CNKSR3: variants seen among roughly 807,000 people sequenced by gnomAD.
The protein encoded by CNKSR3 is CNKSR family member 3.
Under a neutral mutation model 67.7 loss-of-function variants are expected in CNKSR3, and 36 were observed. The observed-to-expected ratio is 0.53, with a 90% CI of 0.41 to 0.70. The LOEUF is 0.70. CNKSR3 is among the 30% of genes least tolerant of loss of function. The pLI, the probability that CNKSR3 is intolerant of heterozygous loss-of-function variation, is 0.00. For missense variants in CNKSR3, 630 were observed against 695.2 expected (o/e 0.91, Z 1.05); for synonymous variants, 281 against 271.4 (o/e 1.04, Z -0.35).
chr6:154,414,659 C>T (rs554303914), intron 9 of CNKSR3: 87 of 596,130 alleles, frequency 1.5e-4, no homozygotes, highest in Non-Finnish European at 2.7e-4. Context: ...GCTTAGGAGC[C>T]AGGTGCCAGG....
intron 1 of CNKSR3, among the ~76,000 whole-genome samples, chr6:154,486,112 C>T (rs1786660324): frequency 1.3e-5 from 2 of 152,120 alleles, no homozygotes; most frequent in Non-Finnish European, 2.9e-5. Flanking sequence ...CAAGGGTGTG[C>T]CTTTGTGGAT....
At chr6:154,409,586 C>T (rs2128710873) in intron 12 of CNKSR3, among the ~76,000 whole-genome samples, 1 of 152,232 alleles carries the variant, frequency 6.6e-6, no homozygotes, top group Middle Eastern at 3.4e-3. Context: ...GGCATGGTGG[C>T]ACACGTCTGT....
rs1173836106 is a variant in CNKSR3, at chr6:154,396,738, C to T, written c.*9616G>A. ...GAGTCCATTATCAGGATTTAAGAAT[C>T]CAGAACTAAGTGCTAAGTAAGGGGT... On this transcript the variant is annotated 3_prime_UTR_variant, in exon 13 of 13. Transcript: ENST00000607772. The T allele has an allele frequency of 1.3e-5, 2 of 152,026 alleles. No individual in the cohort carries two copies. The highest frequency in any genetic ancestry group is 4.8e-5 in the African/African-American group (2 of 41,390). The allele number at this position is 152,026 out of a possible 1,614,324, so 9.4% of individuals were successfully genotyped here.
rs1430064905 is a variant in CNKSR3, at chr6:154,504,827, T to C, written c.52+5236A>G. ...GACAAGATCAGCCTGGGCAACAGAG[T>C]GAGACCCCATCTCTGTATTAAAAAA... On this transcript the variant is annotated intron_variant, in intron 1 of 12. Transcript: ENST00000607772. Among the ~76,000 whole-genome samples the C allele has an allele frequency of 3.3e-5, 5 of 151,622 alleles. No homozygotes were observed. In the South Asian group the frequency reaches 1.0e-3, roughly 32 times the overall value.
At chr6:154,485,185 G>C (rs778714995) in intron 1 of CNKSR3, among the ~76,000 whole-genome samples, 3 of 152,174 alleles carry the variant, frequency 2.0e-5, no homozygotes, top group Non-Finnish European at 4.4e-5. Flanking sequence ...TCCCTACACA[G>C]AGTTCCAAAC....
chr6:154,509,199 A>G (rs1787161286), intron 1 of CNKSR3, among the ~76,000 whole-genome samples: 2 of 152,106 alleles, frequency 1.3e-5, no homozygotes, highest in Admixed American at 1.3e-4. Context: ...AAGTACAGAA[A>G]AGGGTTGAGT....
rs989733851 is a variant in CNKSR3, at chr6:154,500,095, T to TG, written c.52+9967dup. ...GCTGACAACTTTAACAGGTGTTACA[T>TG]GAAGTCTGATCCACCCTACATATTA... On this transcript the variant is annotated intron_variant, in intron 1 of 12. Coordinates refer to ENST00000607772, the MANE Select transcript of CNKSR3 (RefSeq NM_173515.4). Among the ~76,000 whole-genome samples the TG allele has an allele frequency of 1.6e-4, 24 of 151,944 alleles. 2 individuals carry two copies. The highest frequency in any genetic ancestry group is 1.5e-5 in the Non-Finnish European group (1 of 68,006).
chr6:154,505,150 G>A (rs1328064163), intron 1 of CNKSR3, among the ~76,000 whole-genome samples: 1 of 151,562 alleles, frequency 6.6e-6, no homozygotes, highest in Non-Finnish European at 1.5e-5. Context: ...AACTGCCTCT[G>A]TCTGGACGGT....
chr6:154,437,568 C>T (rs1785498308), intron 4 of CNKSR3, among the ~76,000 whole-genome samples: 1 of 151,984 alleles, frequency 6.6e-6, no homozygotes, highest in South Asian at 2.1e-4. Flanking sequence ...GTGTCCGCCA[C>T]CATGCCCTGG....
chr6:154,425,796 T>G (rs1309112283), intron 7 of CNKSR3, among the ~76,000 whole-genome samples: 1 of 107,106 alleles, frequency 9.3e-6, no homozygotes, highest in African/African-American at 3.7e-5. Flanking sequence ...AATTCACTTG[T>G]GAAAACAATG....
At chr6:154,428,366 GA>G (rs1463793095) in intron 6 of CNKSR3, among the ~76,000 whole-genome samples, 179 bp from the exon 7 acceptor site, 4 of 152,174 alleles carry the variant, frequency 2.6e-5, no homozygotes, top group African/African-American at 7.2e-5. Flanking sequence ...TAAGCAAACT[GA>G]AATACTGGTG....
At chr6:154,466,924 A>G (rs1786215248) in intron 1 of CNKSR3, among the ~76,000 whole-genome samples, 1 of 151,412 alleles carries the variant, frequency 6.6e-6, no homozygotes, top group East Asian at 1.9e-4. Flanking sequence ...GCCCACCTGT[A>G]TTTTTTTATG....
intron 9 of CNKSR3, among the ~76,000 whole-genome samples, chr6:154,417,799 G>C (rs1584059757): frequency 6.6e-6 from 1 of 152,124 alleles, no homozygotes; most frequent in Non-Finnish European, 1.5e-5. Flanking sequence ...AGGGTCCTCA[G>C]AATGAAGCCA....
chr6:154,465,493 G>T (rs1045896121), intron 1 of CNKSR3, among the ~76,000 whole-genome samples: 33 of 151,898 alleles, frequency 2.2e-4, no homozygotes, highest in African/African-American at 8.0e-4. Flanking sequence ...TACTATAACT[G>T]TCCCACCTGG....
chr6:154,421,001 T>C (rs1785132661), intron 9 of CNKSR3, among the ~76,000 whole-genome samples: 1 of 152,144 alleles, frequency 6.6e-6, no homozygotes, highest in African/African-American at 2.4e-5. Flanking sequence ...CTGTGAGTTT[T>C]TGTTTGTTGG....
intron 2 of CNKSR3, among the ~76,000 whole-genome samples, chr6:154,447,167 T>C (rs1041624163): frequency 2.6e-5 from 4 of 152,120 alleles, no homozygotes; most frequent in Non-Finnish European, 5.9e-5. Flanking sequence ...TTATTCTCAA[T>C]CACACCCTCT....
intron 1 of CNKSR3, among the ~76,000 whole-genome samples, chr6:154,471,675 G>A (rs1582887250): frequency 6.6e-6 from 1 of 152,324 alleles, no homozygotes; most frequent in Non-Finnish European, 1.5e-5. Context: ...CAGCTACAGA[G>A]AGAATCTTTC....
chr6:154,428,691 T>A (rs6902504), intron 6 of CNKSR3, among the ~76,000 whole-genome samples: 2,699 of 148,578 alleles, frequency 0.018, 80 homozygotes, highest in African/African-American at 0.061. Context: ...GCTAATTATT[T>A]TTTTTTTTTA....
rs1784900546 is a variant in CNKSR3, at chr6:154,411,045, G to T, written c.1168C>A (p.Gln390Lys). ...GTGAATCTTCGTCTCCGGCTTTCCT[G>T]GTCCAAGAAGGAATTCGGGGACTCT... Reference protein sequence around the residue: ...GSESPNSFLDQESRRRRFTIA... With the variant: ...GSESPNSFLDKESRRRRFTIA... Residue 390 changes from glutamine to lysine, a missense_variant, in exon 11 of 13, where the codon CAG becomes AAG. Around this residue, in one of 3 missense-constraint regions of CNKSR3, gnomAD observed 308 missense variants for 299.6 expected, o/e 1.03. Coordinates refer to ENST00000607772, the MANE Select transcript of CNKSR3 (RefSeq NM_173515.4). 3 of 1,613,910 alleles carry T rather than the reference G, an allele frequency of 1.9e-6. No homozygotes were observed. The highest frequency in any genetic ancestry group is 3.3e-4 in the Middle Eastern group (2 of 6,084).
Sources: allele counts gnomAD v4.1 joint callset (sites outside exome capture counted in the v4.1 genomes callset), GRCh38; gene constraint gnomAD v4.1.1; regional missense constraint gnomAD v4.1.1; transcripts MANE v1.5; gene names NCBI Gene and HGNC (gene_info 2026-07-23, HGNC 2026-07-21).